Variants in MORN4 observed in about 807,000 individuals in gnomAD.
MORN4 encodes the protein MORN repeat containing 4.
A neutral mutation model predicts 16.4 loss-of-function variants in MORN4; 8 were observed. The observed-to-expected ratio is 0.49, with a 90% confidence interval of 0.29 to 0.88. The LOEUF (loss-of-function observed/expected upper bound fraction) is 0.88, where lower values mean the gene tolerates loss of function less well. MORN4 is among the 40% of genes least tolerant of loss of function. The probability of loss-of-function intolerance (pLI) is 0.09; values close to 1 mark genes in which losing one functional copy is unlikely to be tolerated. For synonymous variants in MORN4, 53 were observed against 68.9 expected (o/e 0.77, Z 1.14); for missense variants, 159 against 182.9 (o/e 0.87, Z 0.75).
chr10:97,624,798 A>T (rs1564767255), intron 1 of MORN4, among the ~76,000 whole-genome samples: 1 of 152,016 alleles, frequency 6.6e-6, no homozygotes, highest in African/African-American at 2.4e-5. Flanking sequence ...TGCTCACTCC[A>T]ACCTCCGCCT....
At position 97,615,802 on chromosome 10, in the gene MORN4, G is replaced by A. The variant is rs1307110285; in HGVS notation, c.*461C>T. ...CTCTGGCCTTGACTTTCACAGGGCT[G>A]CTGTACTGAGCCACCCCTATCTTTT... On this transcript the variant is annotated 3_prime_UTR_variant, in exon 5 of 5. Coordinates refer to ENST00000307450, the MANE Select transcript of MORN4 (RefSeq NM_178832.4). 2 of 152,332 alleles carry A rather than the reference G, an allele frequency of 1.3e-5. No individual in the cohort carries two copies. 9.4% of individuals were successfully genotyped at this position (152,332 alleles called of 1,614,324 possible).
intron 2 of MORN4, 118 bp from the exon 3 acceptor site, chr10:97,617,440 G>C: frequency 1.2e-6 from 1 of 810,680 alleles, no homozygotes; most frequent in South Asian, 1.4e-5. Context: ...AAGAGAAGCA[G>C]TGACATTAGC....
intron 1 of MORN4, among the ~76,000 whole-genome samples, chr10:97,625,631 A>G (rs547538993): frequency 7.9e-5 from 12 of 152,320 alleles, no homozygotes; most frequent in African/African-American, 2.9e-4. Context: ...TTCAAACAAC[A>G]CTTTGAAAAA....
At chr10:97,631,694 G>A (rs895692839) in intron 1 of MORN4, among the ~76,000 whole-genome samples, 3 of 151,924 alleles carry the variant, frequency 2.0e-5, no homozygotes, top group African/African-American at 4.8e-5. Flanking sequence ...AGCACGTTGG[G>A]AGGCTGAAGC....
At chr10:97,622,651 G>T (rs138288353) in intron 1 of MORN4, among the ~76,000 whole-genome samples, 8 of 138,266 alleles carry the variant, frequency 5.8e-5, no homozygotes, top group Middle Eastern at 4.0e-3. Context: ...CCAAGATCAC[G>T]CCACGACACT....
intron 1 of MORN4, among the ~76,000 whole-genome samples, chr10:97,628,679 G>A (rs1467678494): frequency 6.6e-6 from 1 of 152,090 alleles, no homozygotes; most frequent in Non-Finnish European, 1.5e-5. Flanking sequence ...GATTACAGGC[G>A]TGCCAGCACG....
rs556670675 is a variant in MORN4 at position 97,629,153 on chromosome 10, C to T, written c.-31+4194G>A. Among the ~76,000 whole-genome samples the T allele has an allele frequency of 5.3e-5, 8 of 151,918 alleles. No individual in the cohort carries two copies. In the South Asian group the frequency reaches 1.0e-3, roughly 20 times the overall value. ...CTGTAATCCTAGCATTTTGGGAGGC[C>T]GAGGCGGACGGATCACCTGAGGTCG... On this transcript the variant is annotated intron_variant, in intron 1 of 4. Coordinates refer to ENST00000307450, the MANE Select transcript of MORN4 (RefSeq NM_178832.4).
At chr10:97,626,619 C>A (rs2041349903) in intron 1 of MORN4, among the ~76,000 whole-genome samples, 1 of 151,646 alleles carries the variant, frequency 6.6e-6, no homozygotes, top group Admixed American at 6.6e-5. Context: ...CCATGGCTGG[C>A]TAATTTTTGT....
chr10:97,622,179 A>G (rs1234245744), intron 1 of MORN4, among the ~76,000 whole-genome samples: 1 of 152,158 alleles, frequency 6.6e-6, no homozygotes, highest in Admixed American at 6.6e-5. Context: ...GGATAAATAA[A>G]TGGTTATTGT....
At chr10:97,616,866 T>C (rs2041241049) in intron 3 of MORN4, 79 bp from the exon 4 acceptor site, 2 of 980,248 alleles carry the variant, frequency 2.0e-6, no homozygotes, top group Admixed American at 1.7e-5. Flanking sequence ...TGCTGATCTC[T>C]GTTATTTAAT....
chr10:97,628,540 T>G (rs937427700), intron 1 of MORN4, among the ~76,000 whole-genome samples: 1 of 144,974 alleles, frequency 6.9e-6, no homozygotes, highest in Admixed American at 6.8e-5. Context: ...TTTTCTTTCT[T>G]TTTTTTTTTT....
chr10:97,616,486 T>G, intron 4 of MORN4, 75 bp from the exon 5 acceptor site: 1 of 1,493,450 alleles, frequency 6.7e-7, no homozygotes, highest in Non-Finnish European at 9.0e-7. Context: ...TCTTTGGCCT[T>G]GATATGTCCA....
chr10:97,631,938 T>C (rs2041399244), intron 1 of MORN4, among the ~76,000 whole-genome samples: 2 of 143,748 alleles, frequency 1.4e-5, no homozygotes, highest in African/African-American at 5.2e-5. Context: ...AGACCTTGTC[T>C]CAAAAAAAAG....
chr10:97,619,376 A>C (rs1564765397), intron 2 of MORN4: 4 of 594,210 alleles, frequency 6.7e-6, no homozygotes, highest in Admixed American at 2.9e-5. Flanking sequence ...AAAAAGAAAG[A>C]TATAACTCAT....
chr10:97,622,655 C>T (rs945548157), intron 1 of MORN4, among the ~76,000 whole-genome samples: 3 of 140,642 alleles, frequency 2.1e-5, no homozygotes, highest in East Asian at 4.3e-4. Flanking sequence ...GATCACGCCA[C>T]GACACTCCAG....
chr10:97,631,889 A>G (rs539730880), intron 1 of MORN4, among the ~76,000 whole-genome samples: 1 of 152,084 alleles, frequency 6.6e-6, no homozygotes, highest in Non-Finnish European at 1.5e-5. Context: ...GTGAGCAGTG[A>G]CTGCACCACA....
intron 2 of MORN4, 176 bp downstream of exon 2, chr10:97,619,411 C>T: frequency 1.6e-6 from 1 of 614,650 alleles, no homozygotes; most frequent in Non-Finnish European, 3.0e-6. Context: ...TTAACAATAG[C>T]ATTTTCAAAT....
chr10:97,618,439 C>T (rs1195298903), intron 2 of MORN4, among the ~76,000 whole-genome samples: 1 of 151,904 alleles, frequency 6.6e-6, no homozygotes, highest in African/African-American at 2.4e-5. Context: ...AGCCACTGTG[C>T]CTGCCCTAAA....
At chr10:97,629,529 C>G (rs1442590497) in intron 1 of MORN4, among the ~76,000 whole-genome samples, 1 of 152,182 alleles carries the variant, frequency 6.6e-6, no homozygotes, top group Non-Finnish European at 1.5e-5. Context: ...AAAGCCAAGC[C>G]ACACAGAAAA....
Sources: gnomAD v4.1 joint callset for allele counts (sites outside exome capture counted in the v4.1 genomes callset) on GRCh38, gnomAD v4.1.1 for gene constraint, MANE v1.5 for transcripts, NCBI Gene and HGNC (gene_info 2026-07-23, HGNC 2026-07-21) for gene names.